Variants in MSI2 observed in about 807,000 individuals in gnomAD.
MSI2 encodes musashi RNA binding protein 2, also known as RNA-binding protein Musashi homolog 2.
Under a neutral mutation model 45.6 loss-of-function variants are expected in MSI2, and 17 were observed. That is an observed-to-expected ratio of 0.37 (90% CI 0.26 to 0.56). The LOEUF (loss-of-function observed/expected upper bound fraction) is 0.56, where lower values mean the gene tolerates loss of function less well. Among genes scored for constraint, MSI2 ranks in the 20% least tolerant of loss-of-function variants. MSI2 has a pLI of 0.77. For synonymous variants in MSI2, 156 were observed against 158.2 expected (o/e 0.99, Z 0.11); for missense variants, 293 against 444.2 (o/e 0.66, Z 3.06).
intron 7 of MSI2, among the ~76,000 whole-genome samples, chr17:57,565,060 G>C (rs929244789): frequency 6.6e-6 from 1 of 152,146 alleles, no homozygotes; most frequent in African/African-American, 2.4e-5. Flanking sequence ...TGACAGATGA[G>C]GAAACTGAGA....
At chr17:57,602,507 C>T (rs1176531006) in intron 8 of MSI2, among the ~76,000 whole-genome samples, 1 of 152,142 alleles carries the variant, frequency 6.6e-6, no homozygotes, top group Non-Finnish European at 1.5e-5. Flanking sequence ...CATGCGCCAC[C>T]ACGCCCAGCT....
chr17:57,394,419 G>A (rs1180135210), intron 5 of MSI2, among the ~76,000 whole-genome samples: 1 of 152,184 alleles, frequency 6.6e-6, no homozygotes, highest in Admixed American at 6.5e-5. Flanking sequence ...CATGGGAAGT[G>A]CATACCTCAG....
At chr17:57,584,651 T>A (rs1331184670) in intron 7 of MSI2, among the ~76,000 whole-genome samples, 1 of 152,148 alleles carries the variant, frequency 6.6e-6, no homozygotes, top group Non-Finnish European at 1.5e-5. Context: ...TGGTAACCAT[T>A]CCTTGAGAAC....
At chr17:57,316,322 C>CTTT (rs35543887) in intron 5 of MSI2, among the ~76,000 whole-genome samples, 61 of 140,268 alleles carry the variant, frequency 4.3e-4, no homozygotes, top group Admixed American at 1.0e-3. Flanking sequence ...GTTATTGCTA[C>CTTT]TTTTTTTTTT....
chr17:57,335,437 C>T (rs1914626800), intron 5 of MSI2, among the ~76,000 whole-genome samples: 2 of 152,238 alleles, frequency 1.3e-5, no homozygotes, highest in South Asian at 4.1e-4. Flanking sequence ...CAGCTACACA[C>T]ATTTGTTTAC....
intron 10 of MSI2, chr17:57,631,962 CTG>C: frequency 6.9e-7 from 1 of 1,457,538 alleles, no homozygotes; most frequent in East Asian, 2.5e-5. Flanking sequence ...GTTTGAATGA[CTG>C]TTCTTTTTCT....
At chr17:57,533,675 A>T in intron 7 of MSI2, among the ~76,000 whole-genome samples, 1 of 152,316 alleles carries the variant, frequency 6.6e-6, no homozygotes, top group South Asian at 2.1e-4. Flanking sequence ...TTTATCCAGA[A>T]GTGCTCTTGA....
At chr17:57,584,309 A>G (rs1311559734) in intron 7 of MSI2, among the ~76,000 whole-genome samples, 1 of 152,194 alleles carries the variant, frequency 6.6e-6, no homozygotes, top group Non-Finnish European at 1.5e-5. Context: ...CTGGAAGAAT[A>G]TAATAAAATA....
chr17:57,474,899 T>A (rs1037205991), intron 6 of MSI2, among the ~76,000 whole-genome samples: 3 of 152,072 alleles, frequency 2.0e-5, no homozygotes, highest in Non-Finnish European at 2.9e-5. Flanking sequence ...TCTTGTATTT[T>A]TAGTAGAGAT....
At chr17:57,389,702 C>T (rs1460446734) in intron 5 of MSI2, among the ~76,000 whole-genome samples, 2 of 152,234 alleles carry the variant, frequency 1.3e-5, no homozygotes, top group African/African-American at 4.8e-5. Flanking sequence ...TTTTCTTACC[C>T]TCTTGGTCTT....
chr17:57,317,383 C>T (rs1050632534), intron 5 of MSI2, among the ~76,000 whole-genome samples: 6 of 151,936 alleles, frequency 3.9e-5, no homozygotes, highest in Non-Finnish European at 7.4e-5. Flanking sequence ...ATCAGAAAGG[C>T]AGAATATATG....
At chr17:57,357,742 A>G (rs1916538066) in intron 5 of MSI2, among the ~76,000 whole-genome samples, 1 of 152,178 alleles carries the variant, frequency 6.6e-6, no homozygotes, top group Admixed American at 6.5e-5. Flanking sequence ...TTGATCCAGT[A>G]AGAGGATTGT....
At position 57,256,754 on chromosome 17, in the gene MSI2, T is replaced by C. The variant is rs993742108; in HGVS notation, c.12T>C (p.Asn4=). 3 of 1,408,470 alleles carry C rather than the reference T, an allele frequency of 2.1e-6. No homozygotes were observed. The East Asian group carries it at 9.3e-5, about 43-fold the overall frequency. The allele number at this position is 1,408,470 out of a possible 1,614,324, so 87.2% of individuals were successfully genotyped here. Residue 4 remains asparagine, a synonymous_variant, in exon 1 of 14, where the codon AAT becomes AAC. Coordinates refer to ENST00000284073, the MANE Select transcript of MSI2 (RefSeq NM_138962.4). ...GGGGGGGCTCAGATATGGAGGCAAA[T>C]GGGAGCCAAGGCACCTCGGGCAGCG... The part of the protein sequence containing the change: MEA[N]GSQGTSGSAN...
intron 6 of MSI2, among the ~76,000 whole-genome samples, chr17:57,446,850 A>G (rs779304047): frequency 2.0e-5 from 3 of 152,212 alleles, no homozygotes; most frequent in Admixed American, 6.5e-5. Context: ...ACACCAAATC[A>G]TCTGGTGTGG....
chr17:57,338,498 C>T (rs1914871594), intron 5 of MSI2, among the ~76,000 whole-genome samples: 1 of 152,220 alleles, frequency 6.6e-6, no homozygotes, highest in Non-Finnish European at 1.5e-5. Flanking sequence ...TCTCTGCGGT[C>T]TCTGTCCATG....
chr17:57,265,163 G>A (rs1888803133), intron 5 of MSI2: 1 of 152,136 alleles, frequency 6.6e-6, no homozygotes, highest in Admixed American at 6.5e-5. Flanking sequence ...TTAGCGCTGG[G>A]GGCCAAAACC....
chr17:57,350,792 T>C (rs148894210), intron 5 of MSI2, among the ~76,000 whole-genome samples: 1 of 152,320 alleles, frequency 6.6e-6, no homozygotes, highest in Non-Finnish European at 1.5e-5. Flanking sequence ...TGGCACGTTT[T>C]AGACTTTTTG....
chr17:57,694,383 T>A, the MSI2 span, among the ~76,000 whole-genome samples: 2 of 152,198 alleles, frequency 1.3e-5, no homozygotes, highest in African/African-American at 4.8e-5. Context: ...GCCTTCCTTG[T>A]GTGCTTGTGC....
intron 5 of MSI2, among the ~76,000 whole-genome samples, chr17:57,375,827 CCTT>C (rs2083486071): frequency 1.3e-5 from 2 of 152,134 alleles, no homozygotes; most frequent in Admixed American, 6.5e-5. Flanking sequence ...CTGCCCCCAT[CCTT>C]CTCCTTTCAT....
Sources: allele counts gnomAD v4.1 joint callset (sites outside exome capture counted in the v4.1 genomes callset), GRCh38; gene constraint gnomAD v4.1.1; transcripts MANE v1.5; gene names NCBI Gene and HGNC (gene_info 2026-07-23, HGNC 2026-07-21).